The following ADGRL3 variants were observed in gnomAD, a reference collection of about 807,000 sequenced individuals.
ADGRL3 encodes the protein calcium-independent alpha-latrotoxin receptor 3.
In ADGRL3, 62 loss-of-function variants were observed where a neutral mutation model predicts 153.5. The observed-to-expected ratio is 0.40, with a 90% confidence interval of 0.33 to 0.50. The LOEUF is 0.50. Among genes scored for constraint, ADGRL3 ranks in the 20% least tolerant of loss-of-function variants. The pLI is 0.47. For missense variants in ADGRL3, 1,641 were observed against 1,859.4 expected (o/e 0.88, Z 2.16); for synonymous variants, 710 against 672.5 (o/e 1.06, Z -0.86).
chr4:61,617,208 T>A (rs1441273599), intron 5 of ADGRL3, among the ~76,000 whole-genome samples: 2 of 152,194 alleles, frequency 1.3e-5, no homozygotes, highest in Non-Finnish European at 1.5e-5. Context: ...TCCCCATATT[T>A]TAAATGTGTG....
rs531893570 is a variant in ADGRL3, at chr4:61,967,682, A to G, written c.2806-11881A>G. Among the ~76,000 whole-genome samples, 59 of 152,324 alleles carry G rather than the reference A, an allele frequency of 3.9e-4. No homozygotes were observed. In the Middle Eastern group the frequency reaches 0.017, roughly 44 times the overall value. On this transcript the variant is annotated intron_variant, in intron 17 of 26. Coordinates refer to ENST00000683033, the MANE Select transcript of ADGRL3 (RefSeq NM_001387552.1). ...TCCTTTGCATCTATGAATTCATTCTATATGTTGTCTATGTCCAAAATGTCC... is the reference window on the plus strand; with the variant it reads ...TCCTTTGCATCTATGAATTCATTCTGTATGTTGTCTATGTCCAAAATGTCC...
At chr4:61,288,293 T>C (rs977164730) in intron 1 of ADGRL3, among the ~76,000 whole-genome samples, 1 of 151,954 alleles carries the variant, frequency 6.6e-6, no homozygotes, top group Non-Finnish European at 1.5e-5. Flanking sequence ...AAGCTAACCA[T>C]TAGCATTAAC....
chr4:61,559,989 C>T (rs2098787704), intron 4 of ADGRL3, among the ~76,000 whole-genome samples: 1 of 151,990 alleles, frequency 6.6e-6, no homozygotes, highest in Non-Finnish European at 1.5e-5. Flanking sequence ...AACCATCCCC[C>T]ACATATTCAC....
chr4:61,413,374 C>T (rs990056764), intron 2 of ADGRL3, among the ~76,000 whole-genome samples: 2 of 152,026 alleles, frequency 1.3e-5, no homozygotes, highest in Non-Finnish European at 2.9e-5. Flanking sequence ...AACGGGTGCT[C>T]TTTACTGACA....
At chr4:61,817,071 G>A in intron 9 of ADGRL3, among the ~76,000 whole-genome samples, 1 of 151,788 alleles carries the variant, frequency 6.6e-6, no homozygotes, top group Non-Finnish European at 1.5e-5. Flanking sequence ...GACACTCTCT[G>A]AAACTTTGAA....
At chr4:61,876,766 A>G (rs2098477857) in intron 9 of ADGRL3, among the ~76,000 whole-genome samples, 1 of 151,756 alleles carries the variant, frequency 6.6e-6, no homozygotes, top group Admixed American at 6.6e-5. Context: ...TAAAATGGGG[A>G]GGCATGAATA....
At chr4:61,751,564 T>G (rs1382011040) in intron 8 of ADGRL3, among the ~76,000 whole-genome samples, 1 of 152,058 alleles carries the variant, frequency 6.6e-6, no homozygotes, top group African/African-American at 2.4e-5. Flanking sequence ...ATACAGAAAA[T>G]AGTGATATAG....
chr4:61,758,672 C>T (rs182182458), intron 8 of ADGRL3, among the ~76,000 whole-genome samples: 367 of 152,228 alleles, frequency 2.4e-3, no homozygotes, highest in Non-Finnish European at 3.8e-3. Flanking sequence ...GCATTTAGCC[C>T]ATTTACATTT....
intron 2 of ADGRL3, among the ~76,000 whole-genome samples, chr4:61,447,148 C>T (rs2097592980): frequency 6.6e-6 from 1 of 152,156 alleles, no homozygotes; most frequent in South Asian, 2.1e-4. Context: ...TTCTCATAAA[C>T]ACCAGGGGTC....
In ADGRL3 at chr4:61,989,112, G is replaced by A. The variant is rs190362285; in HGVS notation, c.3236+5509G>A. On this transcript the variant is annotated intron_variant, in intron 19 of 26. Transcript: ENST00000683033. ...TCTAACCAGCATAATCATGTAGGTAGAAAAGTGATTATAGATTTCTAAAAA... is the reference window on the plus strand; with the variant it reads ...TCTAACCAGCATAATCATGTAGGTAAAAAAGTGATTATAGATTTCTAAAAA... Among the ~76,000 whole-genome samples, 157 of 152,148 alleles carry A rather than the reference G, an allele frequency of 1.0e-3. 1 individual carries two copies. The South Asian group carries it at 0.017, about 17-fold the overall frequency.
intron 1 of ADGRL3, among the ~76,000 whole-genome samples, chr4:61,270,706 A>C (rs1392302269): frequency 6.6e-6 from 1 of 151,712 alleles, no homozygotes; most frequent in Non-Finnish European, 1.5e-5. Flanking sequence ...GAAATGGAAA[A>C]TATCCTCACA....
rs915443710 is a variant in ADGRL3, at chr4:61,972,459, G to T, written c.2806-7104G>T. Among the ~76,000 whole-genome samples the T allele has an allele frequency of 1.5e-4, 23 of 152,260 alleles. 2 individuals carry two copies. In the East Asian group the frequency reaches 1.5e-3, roughly 10 times the overall value. On this transcript the variant is annotated intron_variant, in intron 17 of 26. Coordinates refer to ENST00000683033, the MANE Select transcript of ADGRL3 (RefSeq NM_001387552.1). ...TTTTTGTCAGGTTTGTCAGAGATCA[G>T]ATAGTTGTAGATATGCGGTGTTATT... is the stretch of plus-strand genomic sequence containing the variant.
chr4:61,264,447 A>G (rs995424362), intron 1 of ADGRL3, among the ~76,000 whole-genome samples: 3 of 152,040 alleles, frequency 2.0e-5, no homozygotes, highest in Non-Finnish European at 4.4e-5. Flanking sequence ...AAGACATTAT[A>G]AAATAGGTTT....
intron 1 of ADGRL3, among the ~76,000 whole-genome samples, chr4:61,381,997 G>A (rs527294005): frequency 1.3e-5 from 2 of 151,898 alleles, no homozygotes; most frequent in East Asian, 3.9e-4. Flanking sequence ...AAAATATAAC[G>A]CTTTTATTAG....
At chr4:61,658,576 A>G (rs548937985) in intron 5 of ADGRL3, among the ~76,000 whole-genome samples, 2 of 152,300 alleles carry the variant, frequency 1.3e-5, no homozygotes, top group East Asian at 3.9e-4. Context: ...GTTAGTAACT[A>G]TTAGTTATTA....
intron 1 of ADGRL3, among the ~76,000 whole-genome samples, chr4:61,222,484 G>A (rs1746073585): frequency 6.6e-6 from 1 of 152,032 alleles, no homozygotes; most frequent in Non-Finnish European, 1.5e-5. Flanking sequence ...AAGACAAACT[G>A]CTTGCTTCTG....
chr4:61,666,805 A>G (rs1415201241), intron 5 of ADGRL3, among the ~76,000 whole-genome samples: 1 of 152,164 alleles, frequency 6.6e-6, no homozygotes, highest in African/African-American at 2.4e-5. Context: ...TTGGTTAACC[A>G]TACATACAAA....
Position 61,883,613 on chromosome 4 carries a change from T to C in ADGRL3, c.1481-9043T>C, listed in dbSNP as rs542757906. Among the ~76,000 whole-genome samples, 5 of 152,180 alleles carry C rather than the reference T, an allele frequency of 3.3e-5. No individual in the cohort carries two copies. In the South Asian group the frequency reaches 8.3e-4, roughly 25 times the overall value. ...GTTACATCGCTTTTAAATGATGGAG[T>C]GTTTATTTCATTATATTGTAAGAAG... On this transcript the variant is annotated intron_variant, in intron 9 of 26. Transcript: ENST00000683033.
intron 3 of ADGRL3, among the ~76,000 whole-genome samples, chr4:61,511,224 G>A (rs2098462094): frequency 1.3e-5 from 2 of 152,120 alleles, no homozygotes; most frequent in South Asian, 4.1e-4. Context: ...GCCGGACATG[G>A]TGGCGGGTGC....
Sources: allele counts gnomAD v4.1 joint callset (sites outside exome capture counted in the v4.1 genomes callset), GRCh38; gene constraint gnomAD v4.1.1; transcripts MANE v1.5; gene names NCBI Gene and HGNC (gene_info 2026-07-23, HGNC 2026-07-21).